The following INTS7 variants were observed in gnomAD, a reference collection of about 807,000 sequenced individuals.
INTS7 encodes the protein chromosome 1 open reading frame 73.
A neutral mutation model predicts 109.2 loss-of-function variants in INTS7; 46 were observed. The ratio of observed to expected loss-of-function variants is 0.42; its 90% CI spans 0.33 to 0.54. The LOEUF (loss-of-function observed/expected upper bound fraction) is 0.54, where lower values mean the gene tolerates loss of function less well. Among genes scored for constraint, INTS7 ranks in the 20% least tolerant of loss-of-function variants. The pLI is 0.07. For missense variants in INTS7, 929 were observed against 1,132.4 expected (o/e 0.82, Z 2.58); for synonymous variants, 412 against 402.9 (o/e 1.02, Z -0.27).
Position 212,021,099 on chromosome 1 carries a change from C to A in INTS7, c.208G>T (p.Asp70Tyr). The change falls in exon 2 of 20, where the codon GAT (aspartate) becomes TAT (tyrosine). Residue 70 changes from aspartate to tyrosine, a missense_variant. Physicochemically the swap from Asp to Tyr is radical, Grantham distance 160. Transcript: ENST00000366994. Reference protein sequence around the residue: ...LINSAFLKLADVFRVGNNFLR... With the variant: ...LINSAFLKLAYVFRVGNNFLR... The stretch of plus-strand genomic sequence containing the variant: ...AAGACTTACCCAACTCTGAAAACAT[C>A]AGCTAACTTTAGGAATGCAGAATTG... The A allele has an allele frequency of 6.2e-7, 1 of 1,603,902 alleles. No homozygotes were observed. The highest frequency in any genetic ancestry group is 8.5e-7 in the Non-Finnish European group (1 of 1,176,262).
At chr1:212,008,079 A>C (rs1034809391) in intron 5 of INTS7, among the ~76,000 whole-genome samples, 2 of 152,202 alleles carry the variant, frequency 1.3e-5, no homozygotes, top group African/African-American at 4.8e-5. Context: ...TGTACCACAT[A>C]CATGCCACAA....
intron 7 of INTS7, among the ~76,000 whole-genome samples, chr1:211,993,075 C>A (rs1665213913): frequency 6.6e-6 from 1 of 152,028 alleles, no homozygotes; most frequent in African/African-American, 2.4e-5. Flanking sequence ...GGGATATGTT[C>A]CAGAAAAGTA....
At chr1:211,985,737 T>C (rs1201185881) in intron 8 of INTS7, among the ~76,000 whole-genome samples, 2 of 152,326 alleles carry the variant, frequency 1.3e-5, no homozygotes, top group East Asian at 1.9e-4. Context: ...GTCAAACCTT[T>C]GTGAGTCTCA....
At chr1:211,957,783 G>C (rs973884653) in intron 16 of INTS7, among the ~76,000 whole-genome samples, 4 of 151,982 alleles carry the variant, frequency 2.6e-5, no homozygotes, top group African/African-American at 9.7e-5. Context: ...CCAATTTCAA[G>C]GTCATGAAGA....
At chr1:211,968,789 T>C (rs1421781757) in intron 13 of INTS7, 82 bp from the exon 14 acceptor site, 7 of 1,041,152 alleles carry the variant, frequency 6.7e-6, no homozygotes. Context: ...TTTATCAGTT[T>C]GTGGTCAAGT....
intron 7 of INTS7, 24 bp downstream of exon 7, chr1:212,006,615 T>G (rs1341280953): frequency 7.7e-7 from 1 of 1,294,818 alleles, no homozygotes; most frequent in Non-Finnish European, 1.1e-6. Flanking sequence ...TTTTTCTATA[T>G]AAAATGTTAC....
intron 7 of INTS7, among the ~76,000 whole-genome samples, chr1:212,000,487 C>T (rs1665618175): frequency 6.6e-6 from 1 of 152,082 alleles, no homozygotes; most frequent in African/African-American, 2.4e-5. Context: ...ACAGCACAAC[C>T]CCAACCCTAC....
chr1:212,010,899 T>C (rs139645827), intron 5 of INTS7, among the ~76,000 whole-genome samples: 240 of 152,256 alleles, frequency 1.6e-3, no homozygotes, highest in African/African-American at 5.6e-3. Context: ...AGGATCCCCA[T>C]TGTTAAGCAA....
intron 13 of INTS7, 104 bp downstream of exon 13, chr1:211,975,062 A>G (rs1664359136): frequency 4.1e-6 from 3 of 736,408 alleles, no homozygotes; most frequent in Admixed American, 2.3e-5. Flanking sequence ...CCTATTTCAT[A>G]TCAGCAGGTT....
chr1:211,979,001 A>C (rs2102424320), intron 10 of INTS7, among the ~76,000 whole-genome samples: 1 of 152,328 alleles, frequency 6.6e-6, no homozygotes, highest in Admixed American at 6.5e-5. Context: ...CTCTAAGTAC[A>C]CTGAAGTGGG....
chr1:211,989,379 GT>G (rs541880288), intron 7 of INTS7, among the ~76,000 whole-genome samples: 78 of 143,324 alleles, frequency 5.4e-4, no homozygotes, highest in African/African-American at 1.2e-3. Context: ...CTATATCCCT[GT>G]TTTTTTTTTT....
Position 211,942,391 on chromosome 1 carries a change from A to C in INTS7, c.2602-280T>G, listed in dbSNP as rs1662667743. ...TAAGTGATGCTCCTCACTCTACTTG[A>C]GTAGAATGAGCTCCCAGAGCCGTTG... On this transcript the variant is annotated intron_variant, in intron 19 of 19. Transcript: ENST00000366994. The surrounding 1 kb of genome is among the most constrained non-coding windows in gnomAD (Gnocchi z 4.2). Among the ~76,000 whole-genome samples the C allele has an allele frequency of 6.6e-6, 1 of 152,192 alleles. No individual in the cohort carries two copies. Among genetic ancestry groups the C allele is most frequent in the Admixed American group, 6.5e-5 (1 of 15,282 alleles).
At chr1:212,009,192 C>A (rs541643908) in intron 5 of INTS7, among the ~76,000 whole-genome samples, 3 of 152,320 alleles carry the variant, frequency 2.0e-5, no homozygotes, top group South Asian at 4.1e-4. Context: ...TTCCTCCACC[C>A]ACACTCCTAT....
intron 10 of INTS7, 97 bp downstream of exon 10, chr1:211,980,996 T>C (rs1664637435): frequency 3.3e-6 from 2 of 598,624 alleles, no homozygotes; most frequent in Non-Finnish European, 5.8e-6. Context: ...AGATTAAAAC[T>C]TCTAAGAGTA....
intron 13 of INTS7, among the ~76,000 whole-genome samples, chr1:211,972,001 T>G (rs1057254829): frequency 6.7e-6 from 1 of 148,750 alleles, no homozygotes; most frequent in Non-Finnish European, 1.5e-5. Flanking sequence ...AAACACAAGA[T>G]GCAAAGTACT....
At chr1:212,034,067 A>G (rs759225399) in intron 1 of INTS7, among the ~76,000 whole-genome samples, 1 of 151,990 alleles carries the variant, frequency 6.6e-6, no homozygotes, top group Non-Finnish European at 1.5e-5. Context: ...TGGGCAACAG[A>G]GCAACACTCT....
intron 7 of INTS7, among the ~76,000 whole-genome samples, chr1:212,001,139 T>C (rs1290186448): frequency 6.7e-6 from 1 of 148,608 alleles, no homozygotes; most frequent in East Asian, 2.0e-4. Context: ...CGATCTAGGC[T>C]CACCGCAACC....
chr1:212,032,108 C>CT (rs146025944), intron 1 of INTS7, among the ~76,000 whole-genome samples: 83 of 152,330 alleles, frequency 5.4e-4, no homozygotes, highest in African/African-American at 1.9e-3. Context: ...CCAAAAACCT[C>CT]TAAGTTTTCT....
At chr1:212,007,179 T>C (rs1665967325) in intron 6 of INTS7, 71 bp downstream of exon 6, 2 of 1,099,906 alleles carry the variant, frequency 1.8e-6, no homozygotes, top group Non-Finnish European at 2.7e-6. Flanking sequence ...TGGGCCACTT[T>C]CTTATTTCTA....
Sources: allele counts gnomAD v4.1 joint callset (sites outside exome capture counted in the v4.1 genomes callset), GRCh38; gene constraint gnomAD v4.1.1; non-coding constraint Gnocchi (gnomAD v3.1); transcripts MANE v1.5; gene names NCBI Gene and HGNC (gene_info 2026-07-23, HGNC 2026-07-21).